GRIK2: variants seen among roughly 807,000 people sequenced by gnomAD.
The protein encoded by GRIK2 is glutamate receptor ionotropic, kainate 2.
In GRIK2, 32 loss-of-function variants were observed where a neutral mutation model predicts 100.3. The ratio of observed to expected loss-of-function variants is 0.32; its 90% CI spans 0.24 to 0.43. The LOEUF (loss-of-function observed/expected upper bound fraction) is 0.43. Ranked by LOEUF, GRIK2 falls within the 20% of genes least tolerant of loss-of-function variation. The probability of loss-of-function intolerance (pLI) is 1.00; values close to 1 mark genes in which losing one functional copy is unlikely to be tolerated. For missense variants in GRIK2, 843 were observed against 1,114.9 expected, an observed-to-expected ratio of 0.76 and a Z score of 3.47; for synonymous variants, 417 against 389.4, an observed-to-expected ratio of 1.07 and a Z score of -0.83.
At chr6:102,043,451 TTC>T (rs1770705520) in intron 15 of GRIK2, among the ~76,000 whole-genome samples, 3 of 151,874 alleles carry the variant, frequency 2.0e-5, no homozygotes, top group Admixed American at 6.6e-5. Context: ...AGCCTCTGCT[TTC>T]TGTTTCTATC....
chr6:102,021,198 A>T (rs931882100), intron 14 of GRIK2, among the ~76,000 whole-genome samples: 8 of 151,818 alleles, frequency 5.3e-5, no homozygotes, highest in Non-Finnish European at 1.0e-4. Flanking sequence ...ATACTATTGT[A>T]TTACAGTCTA....
At position 101,531,173 on chromosome 6, in the gene GRIK2, C is replaced by T. The variant is rs74518313; in HGVS notation, c.116-90776C>T. ...ATATCTGATAAACCCATTAGAAATACGGATCAAGAGCTCTGTCAAGTCCCA... is the reference window on the plus strand; with the variant it reads ...ATATCTGATAAACCCATTAGAAATATGGATCAAGAGCTCTGTCAAGTCCCA... On this transcript the variant is annotated intron_variant, in intron 2 of 16. Transcript: ENST00000369134. Among the ~76,000 whole-genome samples the T allele has an allele frequency of 5.5e-4, 83 of 152,034 alleles. No homozygotes were observed. In the East Asian group the frequency reaches 0.014, roughly 25 times the overall value.
At chr6:101,592,588 CAT>C (rs3056161) in intron 2 of GRIK2, among the ~76,000 whole-genome samples, 14,432 of 101,132 alleles carry the variant, frequency 0.14, 838 homozygotes, top group Non-Finnish European at 0.18. Flanking sequence ...ACTAATATCA[CAT>C]ATATATATAT....
At chr6:102,050,310 G>T (rs1206317525) in intron 15 of GRIK2, among the ~76,000 whole-genome samples, 1 of 151,816 alleles carries the variant, frequency 6.6e-6, no homozygotes, top group East Asian at 1.9e-4. Context: ...GGAAGGGAGA[G>T]AAGAGCACAG....
At chr6:101,430,113 A>ACTC (rs1463404526) in intron 2 of GRIK2, among the ~76,000 whole-genome samples, 30 of 152,278 alleles carry the variant, frequency 2.0e-4, no homozygotes, top group Middle Eastern at 3.4e-3. Context: ...AGACTCACCA[A>ACTC]ACCACGGACT....
intron 2 of GRIK2, among the ~76,000 whole-genome samples, chr6:101,575,961 T>G (rs1324668405): frequency 6.6e-6 from 1 of 152,014 alleles, no homozygotes; most frequent in Non-Finnish European, 1.5e-5. Flanking sequence ...CTGGAAAGCC[T>G]AGTTAGTAAA....
At chr6:101,882,599 G>T (rs1301665382) in intron 11 of GRIK2, among the ~76,000 whole-genome samples, 1 of 151,750 alleles carries the variant, frequency 6.6e-6, no homozygotes, top group East Asian at 1.9e-4. Context: ...TGCCCTACAA[G>T]TGTGAGGGAA....
At chr6:101,581,468 A>G (rs1778095008) in intron 2 of GRIK2, among the ~76,000 whole-genome samples, 1 of 152,110 alleles carries the variant, frequency 6.6e-6, no homozygotes, top group South Asian at 2.1e-4. Flanking sequence ...AACATCCAGC[A>G]TGGGAGAAAG....
At chr6:102,011,565 T>C (rs575181165) in intron 14 of GRIK2, among the ~76,000 whole-genome samples, 36 of 146,244 alleles carry the variant, frequency 2.5e-4, no homozygotes, top group African/African-American at 8.7e-4. Flanking sequence ...TCTTTTTTTT[T>C]TCTTTCTTTT....
chr6:101,412,091 T>C (rs953521218), intron 2 of GRIK2, among the ~76,000 whole-genome samples: 7 of 151,906 alleles, frequency 4.6e-5, no homozygotes, highest in Non-Finnish European at 7.4e-5. Flanking sequence ...AACATGGAAA[T>C]CTCTTGGACA....
chr6:101,922,080 C>A (rs1166749518), intron 12 of GRIK2, among the ~76,000 whole-genome samples: 1 of 49,968 alleles, frequency 2.0e-5, no homozygotes, highest in African/African-American at 8.8e-5. Context: ...TCTCCATTTC[C>A]TTCCTTCCTT....
chr6:101,821,341 C>T (rs1781935947), intron 10 of GRIK2, among the ~76,000 whole-genome samples: 1 of 152,134 alleles, frequency 6.6e-6, no homozygotes, highest in Admixed American at 6.6e-5. Flanking sequence ...AGCTCTAAAG[C>T]TTTAATAAAT....
At chr6:101,540,325 A>T (rs1429575917) in intron 2 of GRIK2, among the ~76,000 whole-genome samples, 2 of 151,918 alleles carry the variant, frequency 1.3e-5, no homozygotes, top group African/African-American at 2.4e-5. Context: ...TATAAGACCT[A>T]GTACTTGATG....
chr6:101,542,728 GA>G (rs1562213570), intron 2 of GRIK2, among the ~76,000 whole-genome samples: 1 of 152,040 alleles, frequency 6.6e-6, no homozygotes, highest in East Asian at 1.9e-4. Flanking sequence ...ATATAACTAT[GA>G]GCGTGTAAGT....
At chr6:101,987,460 A>G (rs1794079187) in intron 14 of GRIK2, among the ~76,000 whole-genome samples, 1 of 151,614 alleles carries the variant, frequency 6.6e-6, no homozygotes, top group African/African-American at 2.4e-5. Context: ...TTTTAATAGT[A>G]AGTTCGCTTT....
chr6:102,024,398 A>G (rs12190709), intron 14 of GRIK2, among the ~76,000 whole-genome samples: 405 of 151,474 alleles, frequency 2.7e-3, no homozygotes, highest in Non-Finnish European at 3.8e-3. Context: ...AAAAATTGGC[A>G]AACACTACAA....
intron 12 of GRIK2, among the ~76,000 whole-genome samples, chr6:101,890,954 A>G (rs1399747830): frequency 6.6e-6 from 1 of 150,560 alleles, no homozygotes; most frequent in Non-Finnish European, 1.5e-5. Context: ...TTTCATGGAG[A>G]TAAAAATACC....
At chr6:101,853,907 G>A (rs1157173481) in intron 10 of GRIK2, among the ~76,000 whole-genome samples, 2 of 152,120 alleles carry the variant, frequency 1.3e-5, no homozygotes, top group African/African-American at 4.8e-5. Flanking sequence ...AAAGATTAAC[G>A]GTTGCCAGGA....
chr6:102,059,654 T>C (rs1222771562), intron 16 of GRIK2, among the ~76,000 whole-genome samples: 1 of 151,006 alleles, frequency 6.6e-6, no homozygotes, highest in Non-Finnish European at 1.5e-5. Flanking sequence ...TAAGATATAA[T>C]AATTTTAATT....
Sources: allele counts gnomAD v4.1 joint callset (sites outside exome capture counted in the v4.1 genomes callset), GRCh38; gene constraint gnomAD v4.1.1; transcripts MANE v1.5; gene names NCBI Gene and HGNC (gene_info 2026-07-23, HGNC 2026-07-21).